Variants in MAGI1 observed in about 807,000 individuals in gnomAD.
The protein encoded by MAGI1 is membrane-associated guanylate kinase, WW and PDZ domain-containing protein 1.
MAGI1 carries 58 observed loss-of-function variants against 139.9 expected under a neutral mutation model. The observed-to-expected ratio is 0.41, with a 90% CI of 0.34 to 0.52. The LOEUF (loss-of-function observed/expected upper bound fraction) is 0.52, where lower values mean the gene tolerates loss of function less well. MAGI1 is among the 20% of genes least tolerant of loss of function. The pLI is 0.12. For missense variants in MAGI1, 1,874 were observed against 1,901.6 expected, an observed-to-expected ratio of 0.99 and a Z score of 0.27; for synonymous variants, 812 against 737.9, an observed-to-expected ratio of 1.10 and a Z score of -1.63.
At chr3:65,629,795 T>C (rs980332266) in intron 1 of MAGI1, among the ~76,000 whole-genome samples, 3 of 152,146 alleles carry the variant, frequency 2.0e-5, no homozygotes, top group Admixed American at 1.3e-4. Context: ...CACTGGAGAG[T>C]TACCCTTTAA....
chr3:65,901,076 C>T (rs73138945), intron 1 of MAGI1, among the ~76,000 whole-genome samples: 18,555 of 152,224 alleles, frequency 0.12, 1,196 homozygotes, highest in East Asian at 0.24. Context: ...TAACCCTTAC[C>T]TTGGGTATGC....
chr3:65,510,552 C>A (rs1246814042), intron 2 of MAGI1, among the ~76,000 whole-genome samples: 3 of 147,142 alleles, frequency 2.0e-5, no homozygotes, highest in African/African-American at 7.6e-5. Flanking sequence ...GAAAGGGTAT[C>A]AGCAATGGAA....
chr3:65,906,689 C>T (rs902462894), intron 1 of MAGI1, among the ~76,000 whole-genome samples: 2 of 151,862 alleles, frequency 1.3e-5, no homozygotes, highest in African/African-American at 4.8e-5. Context: ...AGTTAGAGAC[C>T]AGCCTGACCA....
intron 1 of MAGI1, among the ~76,000 whole-genome samples, chr3:65,731,929 T>A (rs2034237128): frequency 6.6e-6 from 1 of 152,328 alleles, no homozygotes; most frequent in Admixed American, 6.5e-5. Flanking sequence ...AACTGTTGTG[T>A]ACAATATTGT....
intron 4 of MAGI1, among the ~76,000 whole-genome samples, chr3:65,473,095 C>T (rs1950652655): frequency 6.6e-6 from 1 of 152,078 alleles, no homozygotes; most frequent in South Asian, 2.1e-4. Flanking sequence ...GGATAAGGCG[C>T]TTAGAATAGT....
intron 1 of MAGI1, among the ~76,000 whole-genome samples, chr3:65,656,458 C>T (rs923870360): frequency 2.6e-5 from 4 of 152,142 alleles, no homozygotes; most frequent in African/African-American, 7.2e-5. Context: ...AAACACAAAA[C>T]AGTACACATG....
At chr3:65,518,457 T>G (rs1377199913) in intron 2 of MAGI1, among the ~76,000 whole-genome samples, 1 of 152,148 alleles carries the variant, frequency 6.6e-6, no homozygotes, top group Admixed American at 6.5e-5. Context: ...GGGGCTTAAC[T>G]TCACGAGAAA....
chr3:65,998,485 A>G (rs144287022), intron 1 of MAGI1, among the ~76,000 whole-genome samples: 2 of 152,328 alleles, frequency 1.3e-5, no homozygotes, highest in Admixed American at 1.3e-4. Flanking sequence ...AAACCCATTA[A>G]TTGTGACAAT....
chr3:65,707,689 CAAAAAAAAAAA>C, intron 1 of MAGI1, among the ~76,000 whole-genome samples: 1 of 88,130 alleles, frequency 1.1e-5, no homozygotes, highest in Admixed American at 1.4e-4. Context: ...TACCCTATCT[CAAAAAAAAAAA>C]AAAAAAAAAA....
At chr3:65,480,951 A>G (rs1034159545) in intron 3 of MAGI1, among the ~76,000 whole-genome samples, 11 of 152,140 alleles carry the variant, frequency 7.2e-5, no homozygotes, top group Admixed American at 2.0e-4. Flanking sequence ...TGAATCATCA[A>G]AATTTATAGA....
intron 1 of MAGI1, among the ~76,000 whole-genome samples, chr3:65,896,964 T>C (rs974384955): frequency 2.6e-5 from 4 of 152,084 alleles, no homozygotes; most frequent in Non-Finnish European, 1.5e-5. Context: ...CAGGATCCCC[T>C]TGGATACCAA....
At chr3:65,942,873 G>T (rs1023045693) in intron 1 of MAGI1, among the ~76,000 whole-genome samples, 9 of 151,950 alleles carry the variant, frequency 5.9e-5, no homozygotes, top group African/African-American at 2.2e-4. Context: ...ATACAAAAAT[G>T]AGCTGGGCGT....
chr3:65,780,084 G>A (rs9868398), intron 1 of MAGI1, among the ~76,000 whole-genome samples: 6,590 of 151,964 alleles, frequency 0.043, 486 homozygotes, highest in African/African-American at 0.15. Context: ...GTGGACTGGT[G>A]CAATTACGGC....
chr3:65,553,148 T>G (rs941641093), intron 2 of MAGI1, among the ~76,000 whole-genome samples: 5 of 150,438 alleles, frequency 3.3e-5, no homozygotes, highest in East Asian at 1.9e-4. Flanking sequence ...AGTTGTTGGT[T>G]TTTTTTTTTG....
At chr3:65,757,652 T>G (rs1162417665) in intron 1 of MAGI1, among the ~76,000 whole-genome samples, 1 of 152,144 alleles carries the variant, frequency 6.6e-6, no homozygotes, top group Non-Finnish European at 1.5e-5. Context: ...AATTATTAAT[T>G]TCTATAAATA....
intron 2 of MAGI1, among the ~76,000 whole-genome samples, chr3:65,506,674 C>T (rs1207895788): frequency 6.6e-6 from 1 of 152,164 alleles, no homozygotes; most frequent in Non-Finnish European, 1.5e-5. Context: ...AAAATGCCTA[C>T]TTATTGAAAT....
Position 65,354,324 on chromosome 3 carries a change from T to C in MAGI1, c.*2054A>G, listed in dbSNP as rs1940109442. On this transcript the variant is annotated 3_prime_UTR_variant, in exon 23 of 23. Transcript: ENST00000402939. ...CTTTTTAGCTACAGAATGTATATTG[T>C]GTCTGTTCCAGGAAAGGAACTTGTT... 6.5e-6 allele frequency: 1 copy of C among 152,682 alleles called. No individual in the cohort carries two copies. The highest frequency in any genetic ancestry group is 2.4e-5 in the African/African-American group (1 of 41,466). The allele number at this position is 152,682 out of a possible 1,614,324, so 9.5% of individuals were successfully genotyped here.
intron 1 of MAGI1, among the ~76,000 whole-genome samples, chr3:65,811,440 C>A (rs1232758755): frequency 6.6e-6 from 1 of 152,152 alleles, no homozygotes; most frequent in Non-Finnish European, 1.5e-5. Context: ...CATGGGGAGC[C>A]CCCAGGCAGC....
At chr3:65,990,810 CA>C (rs2066131378) in intron 1 of MAGI1, among the ~76,000 whole-genome samples, 1 of 152,090 alleles carries the variant, frequency 6.6e-6, no homozygotes. Context: ...AATTCTCTAT[CA>C]AACCTTCTGA....
Sources: allele counts gnomAD v4.1 joint callset (sites outside exome capture counted in the v4.1 genomes callset), GRCh38; gene constraint gnomAD v4.1.1; transcripts MANE v1.5; gene names NCBI Gene and HGNC (gene_info 2026-07-23, HGNC 2026-07-21).